The following NELL2 variants were observed in gnomAD, a reference collection of about 807,000 sequenced individuals.
The protein encoded by NELL2 is protein kinase C-binding protein NELL2.
A neutral mutation model predicts 109.6 loss-of-function variants in NELL2; 41 were observed. That is an observed-to-expected ratio of 0.37 (90% CI 0.29 to 0.49). The LOEUF (loss-of-function observed/expected upper bound fraction) is 0.49. Among genes scored for constraint, NELL2 ranks in the 20% least tolerant of loss-of-function variants. NELL2 has a pLI of 0.98. For missense variants in NELL2, 900 were observed against 1,008.3 expected (o/e 0.89, Z 1.45); for synonymous variants, 355 against 344.7 (o/e 1.03, Z -0.33).
chr12:44,814,738 A>G (rs976500585), intron 3 of NELL2, among the ~76,000 whole-genome samples: 1 of 152,318 alleles, frequency 6.6e-6, no homozygotes, highest in Middle Eastern at 3.4e-3. Flanking sequence ...AGCAAGCGAG[A>G]TAGTATGTCC....
chr12:44,733,755 G>C (rs1316104064), intron 9 of NELL2, among the ~76,000 whole-genome samples: 1 of 151,756 alleles, frequency 6.6e-6, no homozygotes, highest in Non-Finnish European at 1.5e-5. Context: ...CAAGGAAGTA[G>C]GGAAGGAAGG....
In NELL2 at chr12:44,675,635, A is replaced by G. The variant is rs988514919; in HGVS notation, c.1319-10026T>C. 3.3e-5 allele frequency among the ~76,000 whole-genome samples: 5 copies of G among 152,272 alleles called. No homozygotes were observed. In the East Asian group the frequency reaches 9.7e-4, roughly 29 times the overall value. ...AATCATCTAACCCCAGTAATTTAGA[A>G]TTGAAGAAACAGAGGCACAGAGAAG... On this transcript the variant is annotated intron_variant, in intron 12 of 19. Coordinates refer to ENST00000429094, the MANE Select transcript of NELL2 (RefSeq NM_001145108.2).
At chr12:44,543,623 C>T (rs570848599) in intron 15 of NELL2, among the ~76,000 whole-genome samples, 15 of 152,150 alleles carry the variant, frequency 9.9e-5, no homozygotes, top group Non-Finnish European at 1.9e-4. Flanking sequence ...AGCCCTTTCC[C>T]TGTGTATGGC....
chr12:44,889,006 C>T (rs1945505523), intron 1 of NELL2, among the ~76,000 whole-genome samples: 1 of 151,958 alleles, frequency 6.6e-6, no homozygotes, highest in Admixed American at 6.5e-5. Flanking sequence ...ATCAGAGTTG[C>T]ATAATAACTA....
chr12:44,623,698 C>T (rs1041252619), intron 13 of NELL2, among the ~76,000 whole-genome samples: 2 of 152,146 alleles, frequency 1.3e-5, no homozygotes, highest in Non-Finnish European at 2.9e-5. Flanking sequence ...TGGTTTCTCA[C>T]ACCAACAAGC....
intron 1 of NELL2, among the ~76,000 whole-genome samples, chr12:44,899,875 T>G (rs1293563794): frequency 6.6e-6 from 1 of 152,126 alleles, no homozygotes; most frequent in Non-Finnish European, 1.5e-5. Context: ...CCATCTTATG[T>G]GCAAAGACAC....
intron 13 of NELL2, among the ~76,000 whole-genome samples, chr12:44,637,684 GA>G (rs1946694130): frequency 6.6e-6 from 1 of 150,806 alleles, no homozygotes; most frequent in Admixed American, 6.7e-5. Flanking sequence ...GAGAAATGAA[GA>G]AAACATGTGT....
At chr12:44,547,992 G>A (rs1428689309) in intron 15 of NELL2, among the ~76,000 whole-genome samples, 1 of 152,166 alleles carries the variant, frequency 6.6e-6, no homozygotes, top group Non-Finnish European at 1.5e-5. Flanking sequence ...CGAAATGCCT[G>A]CTAGTCTTAC....
chr12:44,610,742 AGGAAGTACCT>A, intron 14 of NELL2, 96 bp downstream of exon 14: 2 of 1,474,474 alleles, frequency 1.4e-6, no homozygotes, highest in Non-Finnish European at 1.9e-6. Flanking sequence ...TGATGTCTGT[AGGAAGTACCT>A]GGAATGTACA....
chr12:44,828,087 A>G (rs1943773147), intron 2 of NELL2, among the ~76,000 whole-genome samples: 1 of 152,118 alleles, frequency 6.6e-6, no homozygotes, highest in Non-Finnish European at 1.5e-5. Flanking sequence ...TTTTTCATAT[A>G]GCTGTTTGCC....
intron 2 of NELL2, among the ~76,000 whole-genome samples, chr12:44,822,898 G>A (rs908254276): frequency 6.6e-6 from 1 of 152,102 alleles, no homozygotes; most frequent in Non-Finnish European, 1.5e-5. Context: ...TAGACAATGT[G>A]CTAGGTATTC....
At chr12:44,843,477 T>C (rs896593752) in intron 2 of NELL2, among the ~76,000 whole-genome samples, 10 of 152,124 alleles carry the variant, frequency 6.6e-5, no homozygotes, top group Non-Finnish European at 1.2e-4. Context: ...AGGAAAACAG[T>C]GAGTAATTTC....
At chr12:44,653,989 C>T (rs1229081439) in intron 13 of NELL2, among the ~76,000 whole-genome samples, 1 of 152,176 alleles carries the variant, frequency 6.6e-6, no homozygotes, top group Non-Finnish European at 1.5e-5. Flanking sequence ...TCTTCTCTCA[C>T]TTCTTTCTCT....
At chr12:44,815,314 A>C (rs1280191917) in intron 3 of NELL2, among the ~76,000 whole-genome samples, 1 of 152,220 alleles carries the variant, frequency 6.6e-6, no homozygotes, top group Admixed American at 6.5e-5. Flanking sequence ...CTATGAGGTA[A>C]AAAAGGAAGT....
At chr12:44,624,888 T>G (rs1348141372) in intron 13 of NELL2, among the ~76,000 whole-genome samples, 1 of 151,416 alleles carries the variant, frequency 6.6e-6, no homozygotes, top group Non-Finnish European at 1.5e-5. Context: ...GTGACCATTA[T>G]GGAAAGTTCC....
At chr12:44,636,992 T>C (rs1327672983) in intron 13 of NELL2, among the ~76,000 whole-genome samples, 2 of 152,180 alleles carry the variant, frequency 1.3e-5, no homozygotes, top group Non-Finnish European at 2.9e-5. Flanking sequence ...AGGGTGTATG[T>C]GTCCAGGAAT....
intron 12 of NELL2, among the ~76,000 whole-genome samples, chr12:44,675,164 C>G (rs960710777): frequency 2.0e-5 from 3 of 152,094 alleles, no homozygotes; most frequent in South Asian, 4.1e-4. Flanking sequence ...TACAAGCCAT[C>G]CTGGTGAAAC....
In NELL2 at chr12:44,559,411, G is replaced by A. The variant is rs146070230; in HGVS notation, c.1664-26690C>T. ...ATTGGATAAAGAGTAAAGATCCATC[G>A]GTGTGCTGTATTCAGGAGACCCATC... is the stretch of plus-strand genomic sequence containing the variant. On this transcript the variant is annotated intron_variant, in intron 15 of 19. Coordinates refer to ENST00000429094, the MANE Select transcript of NELL2 (RefSeq NM_001145108.2). Among the ~76,000 whole-genome samples the A allele has an allele frequency of 2.1e-4, 32 of 152,100 alleles. No homozygotes were observed. The East Asian group carries it at 2.9e-3, about 14-fold the overall frequency.
chr12:44,805,999 C>T (rs993165849), intron 3 of NELL2, among the ~76,000 whole-genome samples: 1 of 151,646 alleles, frequency 6.6e-6, no homozygotes, highest in Non-Finnish European at 1.5e-5. Context: ...TTAGCCTTCT[C>T]TTTTTTTATA....
Sources: gnomAD v4.1 joint callset for allele counts (sites outside exome capture counted in the v4.1 genomes callset) on GRCh38, gnomAD v4.1.1 for gene constraint, MANE v1.5 for transcripts, NCBI Gene and HGNC (gene_info 2026-07-23, HGNC 2026-07-21) for gene names.